The following MROH1 variants were observed in gnomAD, a reference collection of about 807,000 sequenced individuals.
MROH1 encodes the protein maestro heat like repeat family member 1, also known as maestro heat-like repeat-containing protein family member 1.
A neutral mutation model predicts 116.5 loss-of-function variants in MROH1; 117 were observed. The observed-to-expected ratio is 1.00, with a 90% CI of 0.86 to 1.17. The LOEUF (loss-of-function observed/expected upper bound fraction) is 1.17, where lower values mean the gene tolerates loss of function less well. MROH1 is among the 50% of genes most tolerant of loss of function. The pLI is 0.00. For synonymous variants in MROH1, 921 were observed against 583.9 expected (o/e 1.58, Z -8.32); for missense variants, 1,873 against 1,338.5 (o/e 1.40, Z -6.23).
At chr8:144,184,413 C>T (rs531622954) in intron 7 of MROH1, among the ~76,000 whole-genome samples, 4 of 152,118 alleles carry the variant, frequency 2.6e-5, no homozygotes, top group South Asian at 2.1e-4. Flanking sequence ...AAAGCACACA[C>T]GTCAGCACAC....
chr8:144,226,217 T>C (rs1455110986), intron 14 of MROH1, among the ~76,000 whole-genome samples: 2 of 152,072 alleles, frequency 1.3e-5, no homozygotes, highest in African/African-American at 4.8e-5. Context: ...GCCCGGCCTT[T>C]TGAGTTAATT....
At chr8:144,246,478 C>T (rs1374982857) in intron 29 of MROH1, among the ~76,000 whole-genome samples, 1 of 152,138 alleles carries the variant, frequency 6.6e-6, no homozygotes, top group Non-Finnish European at 1.5e-5. Flanking sequence ...CAGGGCTCTT[C>T]CCACCTCATA....
chr8:144,154,119 C>T (rs1817500690), intron 1 of MROH1, among the ~76,000 whole-genome samples: 1 of 152,034 alleles, frequency 6.6e-6, no homozygotes, highest in African/African-American at 2.4e-5. Context: ...GGCTGGAGTG[C>T]AGTGGCAAGA....
intron 10 of MROH1, among the ~76,000 whole-genome samples, chr8:144,195,835 C>A (rs565451462): frequency 6.6e-6 from 1 of 152,090 alleles, no homozygotes; most frequent in Non-Finnish European, 1.5e-5. Context: ...CTCCCCAAAC[C>A]CCAGTAGCTG....
intron 12 of MROH1, among the ~76,000 whole-genome samples, chr8:144,212,120 G>A (rs1490880516): frequency 6.6e-6 from 1 of 151,796 alleles, no homozygotes; most frequent in Non-Finnish European, 1.5e-5. Flanking sequence ...GTCTCACTCT[G>A]TCGCCCAGGG....
In MROH1 at chr8:144,167,391, G is replaced by T. The variant is rs1216717316; in HGVS notation, c.23-904G>T. 1.4e-3 allele frequency among the ~76,000 whole-genome samples: 170 copies of T among 121,754 alleles called. 2 individuals carry two copies. The highest frequency in any genetic ancestry group is 4.9e-3 in the African/African-American group (131 of 26,792). 79.9% of individuals were successfully genotyped at this position (121,754 alleles called of 152,430 possible). Reference sequence around the variant, plus strand: ...GATGTGGGGTGGAGTGGCCGGTTGTGGGGTGGAGTGGCCGGTTGTTGGGGT... The same window carrying T: ...GATGTGGGGTGGAGTGGCCGGTTGTTGGGTGGAGTGGCCGGTTGTTGGGGT... On this transcript the variant is annotated intron_variant, in intron 3 of 43. Transcript: ENST00000326134.
At chr8:144,179,334 C>A in intron 4 of MROH1, 121 bp from the exon 5 acceptor site, 1 of 1,410,316 alleles carries the variant, frequency 7.1e-7, no homozygotes, top group East Asian at 2.5e-5. Flanking sequence ...TGTACCCCTC[C>A]CCTCCTGCAC....
In MROH1 at chr8:144,238,397, C is replaced by T. The variant is rs1358646085; in HGVS notation, c.1339-359C>T. On this transcript the variant is annotated intron_variant, in intron 14 of 43. Transcript: ENST00000326134. Reference sequence around the variant, plus strand: ...CAGACATCCAGCCCACCGTGGCTGCCGAGGCTGGGTGGCGTCCTGGTGGGA... The same window carrying T: ...CAGACATCCAGCCCACCGTGGCTGCTGAGGCTGGGTGGCGTCCTGGTGGGA... Among the ~76,000 whole-genome samples, 6 of 152,226 alleles carry T rather than the reference C, an allele frequency of 3.9e-5. No individual in the cohort carries two copies. The East Asian group carries it at 9.7e-4, about 25-fold the overall frequency.
chr8:144,171,506 T>C (rs1412525436), intron 4 of MROH1, among the ~76,000 whole-genome samples: 1 of 152,204 alleles, frequency 6.6e-6, no homozygotes, highest in Non-Finnish European at 1.5e-5. Flanking sequence ...ACTTGAGGCA[T>C]TCTTCCCTTA....
Position 144,261,056 on chromosome 8 carries a change from C to G in MROH1, c.4671+15C>G, listed in dbSNP as rs2130111583. On this transcript the variant is annotated intron_variant, in intron 41 of 43. Coordinates refer to ENST00000326134, the MANE Select transcript of MROH1 (RefSeq NM_032450.3). Reference sequence around the variant, plus strand: ...GCAAGCACCTGGTGAGGGGTGGGGCCAGGCGGGGCGTGGTGGGTGGGGCGG... The same window carrying G: ...GCAAGCACCTGGTGAGGGGTGGGGCGAGGCGGGGCGTGGTGGGTGGGGCGG... 5.2e-6 allele frequency: 2 copies of G among 384,408 alleles called. No homozygotes were observed. The highest frequency in any genetic ancestry group is 4.1e-5 in the South Asian group (2 of 49,314). 23.8% of individuals were successfully genotyped at this position (384,408 alleles called of 1,614,324 possible).
In MROH1 at chr8:144,216,928, TC is replaced by T. The variant is rs572994602; in HGVS notation, c.1142-3670del. Among the ~76,000 whole-genome samples, 300 of 152,238 alleles carry T rather than the reference TC, an allele frequency of 2.0e-3. 1 individual carries two copies. Among genetic ancestry groups the T allele is most frequent in the African/African-American group, 6.7e-3 (279 of 41,550 alleles). On this transcript the variant is annotated intron_variant, in intron 12 of 43. Transcript: ENST00000326134. ...TGGTCTCAAACTCCTGACCTCCTGA[TC>T]CATCCGCCTTGGCCTCCCAAAGTGC...
chr8:144,177,548 G>A (rs1056013124), intron 4 of MROH1, among the ~76,000 whole-genome samples: 8 of 152,188 alleles, frequency 5.3e-5, no homozygotes, highest in Admixed American at 1.3e-4. Context: ...TCCACCTGCC[G>A]TGGCGGCCAT....
chr8:144,208,462 T>C (rs1833353210), intron 12 of MROH1, among the ~76,000 whole-genome samples: 1 of 151,410 alleles, frequency 6.6e-6, no homozygotes, highest in Non-Finnish European at 1.5e-5. Context: ...GCATTTTTCC[T>C]GTGTGCCTGT....
rs558739012 is a variant in MROH1 at position 144,192,238 on chromosome 8, C to T, written c.856-71C>T. The T allele has an allele frequency of 4.7e-5, 63 of 1,337,146 alleles. No individual in the cohort carries two copies. In the African/African-American group the frequency reaches 5.8e-4, roughly 12 times the overall value. The allele number at this position is 1,337,146 out of a possible 1,614,324, so 82.8% of individuals were successfully genotyped here. A position where few individuals can be genotyped will look rare whatever the true frequency, so the allele number is the denominator to read the frequency against. ...GTCTTCCTGTGGCCCAACTGGGAGG[C>T]TCTGATTGACCTTAGTCAGTTCGGG... On this transcript the variant is annotated intron_variant, in intron 9 of 43. Coordinates refer to ENST00000326134, the MANE Select transcript of MROH1 (RefSeq NM_032450.3).
At chr8:144,234,428 G>A (rs936985303) in intron 14 of MROH1, among the ~76,000 whole-genome samples, 16 of 138,660 alleles carry the variant, frequency 1.2e-4, no homozygotes, top group East Asian at 2.1e-4. Flanking sequence ...CACGTTTTTC[G>A]TTAGATTTAT....
chr8:144,192,687 G>C, intron 10 of MROH1: 1 of 593,906 alleles, frequency 1.7e-6, no homozygotes, highest in Non-Finnish European at 3.1e-6. Flanking sequence ...CCCAGAGAAA[G>C]GTCAGCGCAG....
At chr8:144,248,168 G>T (rs1300303093) in intron 31 of MROH1, among the ~76,000 whole-genome samples, 7 of 152,176 alleles carry the variant, frequency 4.6e-5, no homozygotes, top group African/African-American at 1.7e-4. Flanking sequence ...GCTGGTCAAG[G>T]TGCTTTGTCT....
intron 1 of MROH1, among the ~76,000 whole-genome samples, chr8:144,153,244 T>C (rs1368033982): frequency 6.6e-6 from 1 of 152,164 alleles, no homozygotes; most frequent in African/African-American, 2.4e-5. Context: ...TTGCCCAGGC[T>C]GAAGTGTAAT....
intron 3 of MROH1, among the ~76,000 whole-genome samples, chr8:144,165,392 T>G (rs1462716926): frequency 6.6e-6 from 1 of 151,988 alleles, no homozygotes; most frequent in Non-Finnish European, 1.5e-5. Flanking sequence ...GTGCTGAGAT[T>G]ACAGGCGTGA....
Sources: allele counts gnomAD v4.1 joint callset (sites outside exome capture counted in the v4.1 genomes callset), GRCh38; gene constraint gnomAD v4.1.1; transcripts MANE v1.5; gene names NCBI Gene and HGNC (gene_info 2026-07-23, HGNC 2026-07-21).